RGS6: variants seen among roughly 807,000 people sequenced by gnomAD.
RGS6 encodes regulator of G protein signaling 6.
In RGS6, 30 loss-of-function variants were observed where a neutral mutation model predicts 78.5. That is an observed-to-expected ratio of 0.38 (90% CI 0.29 to 0.52). The LOEUF (loss-of-function observed/expected upper bound fraction) is 0.52, where lower values mean the gene tolerates loss of function less well. RGS6 is among the 20% of genes least tolerant of loss of function. The pLI is 0.85. For synonymous variants in RGS6, 206 were observed against 206.0 expected (o/e 1.00, Z 0.00); for missense variants, 495 against 609.7 (o/e 0.81, Z 1.98).
chr14:71,965,366 G>T (rs544816814), intron 2 of RGS6, among the ~76,000 whole-genome samples: 2 of 152,340 alleles, frequency 1.3e-5, no homozygotes, highest in South Asian at 4.1e-4. Flanking sequence ...AATTTCAGAG[G>T]AGGAGGCCAG....
At chr14:72,600,606 C>G in the RGS6 span, among the ~76,000 whole-genome samples, 1 of 151,694 alleles carries the variant, frequency 6.6e-6, no homozygotes, top group South Asian at 2.1e-4. Flanking sequence ...CACAATTTTA[C>G]AGACAAATTC....
At chr14:72,568,095 A>T (rs2153560393), downstream of RGS6, among the ~76,000 whole-genome samples, 1 of 152,312 alleles carries the variant, frequency 6.6e-6, no homozygotes, top group African/African-American at 2.4e-5. Flanking sequence ...CCTCGCTTGA[A>T]GTGTGGGCTC....
chr14:72,459,481 G>A lies in RGS6; in HGVS notation c.343-151G>A, dbSNP rs577168447. 2.5e-5 allele frequency: 17 copies of A among 683,852 alleles called. No homozygotes were observed. In the African/African-American group the frequency reaches 2.8e-4, roughly 11 times the overall value. 42.4% of individuals were successfully genotyped at this position (683,852 alleles called of 1,614,324 possible). ...TAGGTTAAAATGTTGACTCACCTTA[G>A]CTGAATTAGAGAAGAGGAGAGAATT... On this transcript the variant is annotated intron_variant, in intron 5 of 17. Coordinates refer to ENST00000553525, the MANE Select transcript of RGS6 (RefSeq NM_001204424.2).
intron 2 of RGS6, among the ~76,000 whole-genome samples, chr14:72,265,801 T>C (rs2153898411): frequency 6.6e-6 from 1 of 152,256 alleles, no homozygotes; most frequent in Non-Finnish European, 1.5e-5. Flanking sequence ...TTTCCTGGCC[T>C]TCCCCAAGCT....
the RGS6 span, among the ~76,000 whole-genome samples, chr14:72,587,285 A>G: frequency 6.6e-6 from 1 of 152,070 alleles, no homozygotes; most frequent in African/African-American, 2.4e-5. Flanking sequence ...AGACACATCC[A>G]TGAGAGAACT....
chr14:72,419,322 G>A (rs2094028570), intron 3 of RGS6, among the ~76,000 whole-genome samples: 1 of 152,202 alleles, frequency 6.6e-6, no homozygotes, highest in Non-Finnish European at 1.5e-5. Context: ...AGAGAATACT[G>A]TCATTATCTT....
intron 1 of RGS6, among the ~76,000 whole-genome samples, chr14:71,935,714 C>T (rs71427137): frequency 0.12 from 18,766 of 152,050 alleles, 1,459 homozygotes; most frequent in Non-Finnish European, 0.16. Context: ...GTTACTCCAA[C>T]TTCTCCTGTG....
chr14:72,499,677 G>GTT (rs997455810), intron 13 of RGS6, among the ~76,000 whole-genome samples: 5 of 148,524 alleles, frequency 3.4e-5, no homozygotes, highest in Non-Finnish European at 7.5e-5. Context: ...TTTGTTTGTT[G>GTT]TTTTTTTTTT....
At chr14:72,110,133 C>G (rs1291873591) in intron 2 of RGS6, among the ~76,000 whole-genome samples, 11 of 152,204 alleles carry the variant, frequency 7.2e-5, no homozygotes. Flanking sequence ...ACAACTATCA[C>G]CATTCACCAG....
chr14:72,473,130 T>G (rs1271461286), intron 9 of RGS6, among the ~76,000 whole-genome samples, 177 bp downstream of exon 9: 2 of 152,236 alleles, frequency 1.3e-5, no homozygotes, highest in African/African-American at 4.8e-5. Flanking sequence ...CTGGAATATA[T>G]GTAAGTTCCA....
At position 72,188,191 on chromosome 14, in the gene RGS6, C is replaced by T. The variant is rs145796151; in HGVS notation, c.85-163904C>T. The stretch of plus-strand genomic sequence containing the variant: ...GAGTTGTAGTGCTGTTGCTGTGAGT[C>T]CAATGTTAGTGAATCAACAATATAT... On this transcript the variant is annotated intron_variant, in intron 2 of 17. Coordinates refer to ENST00000553525, the MANE Select transcript of RGS6 (RefSeq NM_001204424.2). Among the ~76,000 whole-genome samples, 1,472 of 152,182 alleles carry T rather than the reference C, an allele frequency of 9.7e-3. 16 individuals are homozygous for T. Among genetic ancestry groups the T allele is most frequent in the African/African-American group, 0.034 (1,416 of 41,506 alleles).
intron 2 of RGS6, among the ~76,000 whole-genome samples, chr14:72,274,701 A>ACCC (rs2060420769): frequency 6.6e-6 from 1 of 152,190 alleles, no homozygotes; most frequent in Non-Finnish European, 1.5e-5. Context: ...AAGAAGTTGT[A>ACCC]ATGATAGAGG....
intron 1 of RGS6, among the ~76,000 whole-genome samples, chr14:71,957,749 T>C (rs1035833070): frequency 4.6e-5 from 7 of 152,078 alleles, no homozygotes; most frequent in African/African-American, 7.2e-5. Flanking sequence ...CTTTAACAGA[T>C]GGAATGCAAA....
rs946319795 is a variant in RGS6, at chr14:72,518,443, G to A, written c.1184G>A (p.Gly395Glu). ...EEIWQEFLAP[G>E]APSAINLDSH... ...ATCTGGCAAGAGTTTCTGGCTCCAG[G>A]GGCTCCAAGTGCAATCAACCTGGAT... The change falls in exon 15 of 18, where the codon GGG becomes GAG. Residue 395 changes from glycine (G) to glutamate (E), a missense_variant. By Grantham distance (98) the Gly-to-Glu change is moderately conservative. Coordinates refer to ENST00000553525, the MANE Select transcript of RGS6 (RefSeq NM_001204424.2). 1.2e-6 allele frequency: 2 copies of A among 1,614,066 alleles called. No individual in the cohort carries two copies. Among genetic ancestry groups the A allele is most frequent in the African/African-American group, 2.7e-5 (2 of 74,912 alleles).
intron 2 of RGS6, among the ~76,000 whole-genome samples, chr14:72,060,985 C>T (rs1440131758): frequency 3.3e-5 from 5 of 152,120 alleles, no homozygotes; most frequent in African/African-American, 9.7e-5. Context: ...AGTTATTATT[C>T]AAGACCTGTA....
At chr14:72,012,791 G>A (rs1419629851) in intron 2 of RGS6, among the ~76,000 whole-genome samples, 2 of 152,218 alleles carry the variant, frequency 1.3e-5, no homozygotes, top group Non-Finnish European at 2.9e-5. Flanking sequence ...GGCTAGTTGT[G>A]AACCTCTCTA....
At chr14:72,129,855 A>G (rs2096277674) in intron 2 of RGS6, among the ~76,000 whole-genome samples, 1 of 152,068 alleles carries the variant, frequency 6.6e-6, no homozygotes, top group Non-Finnish European at 1.5e-5. Flanking sequence ...AAGAAACCCC[A>G]CCTCATGATG....
intron 17 of RGS6, among the ~76,000 whole-genome samples, chr14:72,551,378 C>G (rs2097504485): frequency 1.3e-5 from 2 of 152,190 alleles, no homozygotes; most frequent in South Asian, 4.1e-4. Flanking sequence ...CGTCCCATAC[C>G]AACCAGACTG....
chr14:72,291,416 C>T (rs2063554464), intron 2 of RGS6, among the ~76,000 whole-genome samples: 1 of 152,150 alleles, frequency 6.6e-6, no homozygotes, highest in African/African-American at 2.4e-5. Context: ...TCCTAACACT[C>T]CTGAAGTGCT....
Sources: gnomAD v4.1 joint callset for allele counts (sites outside exome capture counted in the v4.1 genomes callset) on GRCh38, gnomAD v4.1.1 for gene constraint, MANE v1.5 for transcripts, NCBI Gene and HGNC (gene_info 2026-07-23, HGNC 2026-07-21) for gene names.